Variants in UQCC2 observed in about 807,000 individuals in gnomAD.
UQCC2 encodes the protein ubiquinol-cytochrome c reductase complex assembly factor 2.
UQCC2 carries 21 observed loss-of-function variants against 19.9 expected under a neutral mutation model. The ratio of observed to expected loss-of-function variants is 1.05; its 90% CI spans 0.75 to 1.52. UQCC2 has a LOEUF of 1.52. Among genes scored for constraint, UQCC2 ranks in the 40% most tolerant of loss-of-function variants. The pLI is 0.00. For missense variants in UQCC2, 135 were observed against 157.5 expected (o/e 0.86, Z 0.76); for synonymous variants, 57 against 60.9 (o/e 0.94, Z 0.30).
At chr6:33,700,598 C>G in intron 2 of UQCC2, 85 bp from the exon 3 acceptor site, 1 of 1,452,270 alleles carries the variant, frequency 6.9e-7, no homozygotes, top group African/African-American at 1.4e-5. Context: ...CACCTAGGCC[C>G]TGGGCAACCA....
intron 1 of UQCC2, among the ~76,000 whole-genome samples, chr6:33,702,498 A>T (rs1765652968): frequency 6.6e-6 from 1 of 152,222 alleles, no homozygotes; most frequent in South Asian, 2.1e-4. Context: ...TAGAAAGGAG[A>T]TGGCCCAGAA....
chr6:33,710,227 G>A (rs7753672), intron 1 of UQCC2, among the ~76,000 whole-genome samples: 7,905 of 151,864 alleles, frequency 0.052, 341 homozygotes, highest in African/African-American at 0.12. Flanking sequence ...TACCATAATC[G>A]GCTTCTCTCC....
chr6:33,708,980 A>C (rs914394546), intron 1 of UQCC2, among the ~76,000 whole-genome samples: 3 of 152,212 alleles, frequency 2.0e-5, no homozygotes, highest in African/African-American at 7.2e-5. Context: ...AATCACTAAC[A>C]CAGCCATGAG....
At chr6:33,711,104 G>A (rs1320623592) in intron 1 of UQCC2, among the ~76,000 whole-genome samples, 2 of 152,172 alleles carry the variant, frequency 1.3e-5, no homozygotes, top group Admixed American at 1.3e-4. Context: ...AACTCTCTCT[G>A]CACCTTGAAT....
chr6:33,701,178 C>T (rs971261002), intron 2 of UQCC2, among the ~76,000 whole-genome samples, 168 bp downstream of exon 2: 1 of 152,176 alleles, frequency 6.6e-6, no homozygotes, highest in Non-Finnish European at 1.5e-5. Context: ...ATTTAGGTGG[C>T]CTAAAAGCCT....
chr6:33,703,555 T>C (rs961398883), intron 1 of UQCC2, among the ~76,000 whole-genome samples: 1 of 151,946 alleles, frequency 6.6e-6, no homozygotes, highest in African/African-American at 2.4e-5. Context: ...TCAAACTGCC[T>C]GGGTTGACTC....
At chr6:33,709,714 C>T (rs967851100) in intron 1 of UQCC2, among the ~76,000 whole-genome samples, 1 of 151,982 alleles carries the variant, frequency 6.6e-6, no homozygotes. Flanking sequence ...TGCCACTGGG[C>T]GTGCTCCTGC....
intron 1 of UQCC2, among the ~76,000 whole-genome samples, chr6:33,704,336 C>A (rs932369538): frequency 5.9e-5 from 9 of 152,182 alleles, no homozygotes; most frequent in African/African-American, 2.2e-4. Context: ...GCGCATGTAC[C>A]GGCAAGGGAG....
Position 33,710,226 on chromosome 6 carries a change from C to T in UQCC2, c.138+1323G>A, listed in dbSNP as rs183607777. Among the ~76,000 whole-genome samples, 244 of 152,262 alleles carry T rather than the reference C, an allele frequency of 1.6e-3. 1 individual carries two copies. The highest frequency in any genetic ancestry group is 5.1e-3 in the African/African-American group (210 of 41,542). ...CATCTGTCGCTTATAGTACCATAAT[C>T]GGCTTCTCTCCAGCCTCTTTTTTTG... is the stretch of plus-strand genomic sequence containing the variant. On this transcript the variant is annotated intron_variant, in intron 1 of 3. Coordinates refer to ENST00000607484, the MANE Select transcript of UQCC2 (RefSeq NM_032340.4).
chr6:33,704,289 A>G (rs1464931265), intron 1 of UQCC2, among the ~76,000 whole-genome samples: 4 of 152,242 alleles, frequency 2.6e-5, no homozygotes, highest in Admixed American at 6.5e-5. Flanking sequence ...CTATGGGGCC[A>G]GGCAGGAAGT....
chr6:33,701,316 TG>T, intron 2 of UQCC2, 29 bp downstream of exon 2: 2 of 1,590,484 alleles, frequency 1.3e-6, no homozygotes, highest in Non-Finnish European at 1.7e-6. Flanking sequence ...GTCAGAAAGC[TG>T]GGTATATAAA....
At chr6:33,700,386 CACTCAA>C in intron 3 of UQCC2, 52 bp downstream of exon 3, 6 of 1,577,456 alleles carry the variant, frequency 3.8e-6, no homozygotes, top group Non-Finnish European at 5.2e-6. Flanking sequence ...TCCCCTTGGC[CACTCAA>C]ACTCAGAATC....
At chr6:33,709,216 C>A (rs1252539147) in intron 1 of UQCC2, among the ~76,000 whole-genome samples, 2 of 152,218 alleles carry the variant, frequency 1.3e-5, no homozygotes, top group Non-Finnish European at 2.9e-5. Context: ...TTATGGCCTT[C>A]CTCCATAGAT....
At chr6:33,697,829 C>T in intron 3 of UQCC2, 79 bp from the exon 4 acceptor site, 1 of 1,159,136 alleles carries the variant, frequency 8.6e-7, no homozygotes, top group South Asian at 1.4e-5. Flanking sequence ...CTGGGCTTTC[C>T]CGACACAAGC....
intron 1 of UQCC2, among the ~76,000 whole-genome samples, chr6:33,702,336 C>CA (rs10947431): frequency 0.038 from 4,887 of 130,202 alleles, 204 homozygotes; most frequent in African/African-American, 0.11. Flanking sequence ...TTAGCAAAGG[C>CA]AAAAAAAAAA....
intron 1 of UQCC2, among the ~76,000 whole-genome samples, chr6:33,705,313 G>C (rs1582182309): frequency 1.3e-5 from 2 of 151,682 alleles, no homozygotes. Flanking sequence ...TTACAGGCTT[G>C]AGCCACCGCA....
chr6:33,697,890 C>T, intron 3 of UQCC2, 140 bp from the exon 4 acceptor site: 1 of 655,732 alleles, frequency 1.5e-6, no homozygotes, highest in Non-Finnish European at 2.6e-6. Flanking sequence ...AGACCCAGCT[C>T]CTGAAGAGCA....
At chr6:33,707,755 T>C (rs548142229) in intron 1 of UQCC2, among the ~76,000 whole-genome samples, 15 of 152,366 alleles carry the variant, frequency 9.8e-5, no homozygotes, top group African/African-American at 3.6e-4. Flanking sequence ...GGTCAACAAT[T>C]ACATTTGTTG....
chr6:33,709,312 T>G (rs556091435), intron 1 of UQCC2, among the ~76,000 whole-genome samples: 1 of 152,326 alleles, frequency 6.6e-6, no homozygotes, highest in East Asian at 1.9e-4. Flanking sequence ...TCTTCACAAC[T>G]TCTCTTCATC....
Sources: gnomAD v4.1 joint callset for allele counts (sites outside exome capture counted in the v4.1 genomes callset) on GRCh38, gnomAD v4.1.1 for gene constraint, MANE v1.5 for transcripts, NCBI Gene and HGNC (gene_info 2026-07-23, HGNC 2026-07-21) for gene names.